The following TMEM132D variants were observed in gnomAD, a reference collection of about 807,000 sequenced individuals.
The protein encoded by TMEM132D is transmembrane protein 132D, also known as mature OL transmembrane protein.
TMEM132D carries 21 observed loss-of-function variants against 62.3 expected under a neutral mutation model. The ratio of observed to expected loss-of-function variants is 0.34; its 90% CI spans 0.24 to 0.49. The LOEUF (loss-of-function observed/expected upper bound fraction) is 0.49, where lower values mean the gene tolerates loss of function less well. TMEM132D is among the 20% of genes least tolerant of loss of function. The probability of loss-of-function intolerance (pLI) is 0.99; values close to 1 mark genes in which losing one functional copy is unlikely to be tolerated. For missense variants in TMEM132D, 1,346 were observed against 1,402.8 expected, an observed-to-expected ratio of 0.96 and a Z score of 0.65; for synonymous variants, 621 against 575.6, an observed-to-expected ratio of 1.08 and a Z score of -1.13.
At chr12:129,770,333 T>C (rs1009624368) in intron 1 of TMEM132D, among the ~76,000 whole-genome samples, 1 of 151,876 alleles carries the variant, frequency 6.6e-6, no homozygotes, top group Admixed American at 6.6e-5. Context: ...TAGTACAGAC[T>C]GGGTTTCACC....
At chr12:129,229,829 C>T (rs1375533224) in intron 4 of TMEM132D, among the ~76,000 whole-genome samples, 1 of 152,166 alleles carries the variant, frequency 6.6e-6, no homozygotes, top group Non-Finnish European at 1.5e-5. Context: ...ATTGGTGGGG[C>T]TGGGAGCCAA....
chr12:129,875,086 G>T (rs1874373891), intron 1 of TMEM132D, among the ~76,000 whole-genome samples: 1 of 152,260 alleles, frequency 6.6e-6, no homozygotes, highest in Non-Finnish European at 1.5e-5. Context: ...TCTAGCAGAG[G>T]TACAGACATC....
chr12:129,301,404 G>T (rs1211334813), intron 4 of TMEM132D, among the ~76,000 whole-genome samples: 1 of 151,754 alleles, frequency 6.6e-6, no homozygotes, highest in East Asian at 1.9e-4. Flanking sequence ...CCTAACATTT[G>T]CTCAGTAAAT....
intron 2 of TMEM132D, among the ~76,000 whole-genome samples, chr12:129,549,714 G>A (rs779318854): frequency 6.6e-5 from 10 of 152,178 alleles, no homozygotes; most frequent in Non-Finnish European, 1.0e-4. Flanking sequence ...GCATAGTCAC[G>A]TGTTTGGCCA....
chr12:129,226,874 C>G (rs557596020), intron 4 of TMEM132D, among the ~76,000 whole-genome samples: 2 of 152,156 alleles, frequency 1.3e-5, no homozygotes, highest in African/African-American at 4.8e-5. Context: ...CTGGGTCACC[C>G]CACAACCCCT....
intron 1 of TMEM132D, among the ~76,000 whole-genome samples, chr12:129,757,641 T>G (rs1303454375): frequency 6.6e-6 from 1 of 152,188 alleles, no homozygotes; most frequent in African/African-American, 2.4e-5. Flanking sequence ...CAAATCCTCA[T>G]GACTTCCTCC....
rs762736251 is a variant in TMEM132D, at chr12:129,097,787, TTAA to T, written c.1444-13088_1444-13086del. On this transcript the variant is annotated intron_variant, in intron 5 of 8. Coordinates refer to ENST00000422113, the MANE Select transcript of TMEM132D (RefSeq NM_133448.3). ...GAACTTTTCCTCCCTTTGTTTCTTATTAATCACGTTTAACTCAACATAATTCTT... is the reference window on the plus strand; with the variant it reads ...GAACTTTTCCTCCCTTTGTTTCTTATTCACGTTTAACTCAACATAATTCTT... Among the ~76,000 whole-genome samples, 4 of 152,362 alleles carry T rather than the reference TTAA, an allele frequency of 2.6e-5. No individual in the cohort carries two copies. In the South Asian group the frequency reaches 6.2e-4, roughly 24 times the overall value.
chr12:129,634,473 CAAA>C (rs71451324), intron 2 of TMEM132D, among the ~76,000 whole-genome samples: 5 of 129,494 alleles, frequency 3.9e-5, no homozygotes, highest in Non-Finnish European at 4.8e-5. Flanking sequence ...AACCTTGTCT[CAAA>C]AAAAAAAAAA....
chr12:129,226,850 C>G (rs1850267985), intron 4 of TMEM132D, among the ~76,000 whole-genome samples: 1 of 152,106 alleles, frequency 6.6e-6, no homozygotes, highest in African/African-American at 2.4e-5. Flanking sequence ...TCCCAGGACC[C>G]CCGATTCATT....
At chr12:129,342,584 T>C (rs2135662546) in intron 3 of TMEM132D, among the ~76,000 whole-genome samples, 1 of 152,292 alleles carries the variant, frequency 6.6e-6, no homozygotes, top group Admixed American at 6.5e-5. Flanking sequence ...TGGGATCTAA[T>C]TAAACTCAAG....
intron 2 of TMEM132D, among the ~76,000 whole-genome samples, chr12:129,577,294 C>A (rs1430264080): frequency 6.6e-6 from 1 of 151,736 alleles, no homozygotes; most frequent in Non-Finnish European, 1.5e-5. Flanking sequence ...CACAAAATTA[C>A]TACAGTAGTG....
chr12:129,888,426 G>A (rs920573505), intron 1 of TMEM132D, among the ~76,000 whole-genome samples: 2 of 152,128 alleles, frequency 1.3e-5, no homozygotes, highest in Admixed American at 6.6e-5. Context: ...GTCTGGGCGC[G>A]ATGGCTCACA....
At chr12:129,317,514 G>A (rs764013870) in intron 4 of TMEM132D, among the ~76,000 whole-genome samples, 1 of 152,198 alleles carries the variant, frequency 6.6e-6, no homozygotes. Context: ...GAAATCTGCT[G>A]TTAATCCGAT....
At chr12:129,832,146 C>A (rs946266430) in intron 1 of TMEM132D, among the ~76,000 whole-genome samples, 1 of 150,140 alleles carries the variant, frequency 6.7e-6, no homozygotes, top group African/African-American at 2.5e-5. Flanking sequence ...CTCAGCCTCC[C>A]AAAGAGCTGG....
At chr12:129,523,367 C>T (rs377365340) in intron 3 of TMEM132D, among the ~76,000 whole-genome samples, 3 of 152,106 alleles carry the variant, frequency 2.0e-5, no homozygotes, top group Admixed American at 6.5e-5. Flanking sequence ...TCTACAACCC[C>T]GGAGTGTATT....
At position 129,679,734 on chromosome 12, in the gene TMEM132D, T is replaced by C. The variant is rs184663003; in HGVS notation, c.968+20076A>G. Among the ~76,000 whole-genome samples the C allele has an allele frequency of 6.0e-3, 915 of 152,260 alleles. 7 individuals are homozygous for C. The highest frequency in any genetic ancestry group is 0.021 in the African/African-American group (886 of 41,556). Reference sequence around the variant, plus strand: ...TGATCTACTTTACTATCTCCTTCTTTGTTTTCTATCTTTGAACTTTCAGTT... The same window carrying C: ...TGATCTACTTTACTATCTCCTTCTTCGTTTTCTATCTTTGAACTTTCAGTT... On this transcript the variant is annotated intron_variant, in intron 2 of 8. Transcript: ENST00000422113.
intron 1 of TMEM132D, among the ~76,000 whole-genome samples, chr12:129,775,386 C>T (rs1275251219): frequency 6.6e-6 from 1 of 152,158 alleles, no homozygotes; most frequent in Non-Finnish European, 1.5e-5. Context: ...GAGTGAGTTT[C>T]CTGCTGTACC....
intron 2 of TMEM132D, among the ~76,000 whole-genome samples, chr12:129,535,462 G>C (rs1051242325): frequency 6.6e-6 from 1 of 152,194 alleles, no homozygotes; most frequent in East Asian, 1.9e-4. Flanking sequence ...CAAATGATGG[G>C]ATGTGTCAGC....
chr12:129,451,730 G>A (rs536942102), intron 3 of TMEM132D, among the ~76,000 whole-genome samples: 2 of 152,324 alleles, frequency 1.3e-5, no homozygotes, highest in Admixed American at 6.5e-5. Flanking sequence ...TGATATGGCA[G>A]CTTCATGATA....
Sources: gnomAD v4.1 joint callset for allele counts (sites outside exome capture counted in the v4.1 genomes callset) on GRCh38, gnomAD v4.1.1 for gene constraint, MANE v1.5 for transcripts, NCBI Gene and HGNC (gene_info 2026-07-23, HGNC 2026-07-21) for gene names.